GALNT17: variants seen among roughly 807,000 people sequenced by gnomAD.
GALNT17 encodes UDP-GalNAc:polypeptide N-acetylgalactosaminyltransferase-like 3.
Under a neutral mutation model 63.7 loss-of-function variants are expected in GALNT17, and 29 were observed. That is an observed-to-expected ratio of 0.46 (90% confidence interval 0.34 to 0.62). The LOEUF (loss-of-function observed/expected upper bound fraction) is 0.62. Ranked by LOEUF, GALNT17 falls within the 20% of genes least tolerant of loss-of-function variation. GALNT17 has a pLI of 0.01. For synonymous variants in GALNT17, 305 were observed against 318.3 expected, an observed-to-expected ratio of 0.96 and a Z score of 0.45; for missense variants, 603 against 799.6, an observed-to-expected ratio of 0.75 and a Z score of 2.97.
intron 1 of GALNT17, among the ~76,000 whole-genome samples, chr7:71,327,824 A>C (rs10807731): frequency 0.64 from 97,124 of 151,978 alleles, 31,351 homozygotes; most frequent in African/African-American, 0.73. Context: ...ATAGCTGTAA[A>C]CCTAAGAGAG....
chr7:71,704,488 C>CT (rs34146294), intron 9 of GALNT17, among the ~76,000 whole-genome samples: 96,337 of 141,342 alleles, frequency 0.68, 33,343 homozygotes, highest in Non-Finnish European at 0.76. Flanking sequence ...TGCCAACTGC[C>CT]TTTTTTTTTT....
intron 1 of GALNT17, among the ~76,000 whole-genome samples, chr7:71,256,638 C>T (rs1790295436): frequency 6.6e-6 from 1 of 152,218 alleles, no homozygotes; most frequent in African/African-American, 2.4e-5. Context: ...CCACCTTGCG[C>T]ACGTGTTCTC....
chr7:71,328,790 A>C (rs148915273), intron 1 of GALNT17, among the ~76,000 whole-genome samples: 1 of 152,182 alleles, frequency 6.6e-6, no homozygotes, highest in East Asian at 1.9e-4. Context: ...GAGGCTGTTA[A>C]GTGAATGCCT....
intron 9 of GALNT17, among the ~76,000 whole-genome samples, chr7:71,702,673 G>A (rs1791668997): frequency 6.6e-6 from 1 of 152,134 alleles, no homozygotes; most frequent in Admixed American, 6.5e-5. Context: ...AAAAAGCTGA[G>A]GGAGGCAAGG....
intron 1 of GALNT17, among the ~76,000 whole-genome samples, chr7:71,255,059 A>G (rs1011492178): frequency 6.6e-6 from 1 of 152,214 alleles, no homozygotes; most frequent in Non-Finnish European, 1.5e-5. Flanking sequence ...TTCAAGTTAG[A>G]ACATTTCCCC....
At chr7:71,528,779 TA>T (rs751649253) in intron 5 of GALNT17, among the ~76,000 whole-genome samples, 5 of 152,000 alleles carry the variant, frequency 3.3e-5, no homozygotes, top group Admixed American at 2.0e-4. Context: ...ATGATTGAAA[TA>T]AAGTAAAAAC....
At chr7:71,181,269 G>A (rs4719085) in intron 1 of GALNT17, among the ~76,000 whole-genome samples, 25,569 of 141,502 alleles carry the variant, frequency 0.18, 4,555 homozygotes, top group African/African-American at 0.5. Flanking sequence ...AAAAAAAAAA[G>A]TAATGGCTTA....
intron 8 of GALNT17, among the ~76,000 whole-genome samples, chr7:71,676,127 G>C (rs1791146815): frequency 6.6e-6 from 1 of 152,130 alleles, no homozygotes; most frequent in African/African-American, 2.4e-5. Flanking sequence ...AGACCCTAGG[G>C]TGGTGGTGGG....
chr7:71,264,350 A>G (rs937318400), intron 1 of GALNT17, among the ~76,000 whole-genome samples: 1 of 152,096 alleles, frequency 6.6e-6, no homozygotes, highest in Non-Finnish European at 1.5e-5. Flanking sequence ...CTAGTCTTAT[A>G]TAGGCAGATA....
At chr7:71,521,519 T>C (rs12536242) in intron 5 of GALNT17, among the ~76,000 whole-genome samples, 22,520 of 152,208 alleles carry the variant, frequency 0.15, 2,216 homozygotes, top group East Asian at 0.4. Flanking sequence ...GCTTGGAGCC[T>C]CCTTGTGCTA....
At chr7:71,617,946 C>T (rs546687160) in intron 6 of GALNT17, among the ~76,000 whole-genome samples, 31 of 152,098 alleles carry the variant, frequency 2.0e-4, no homozygotes, top group South Asian at 4.2e-4. Flanking sequence ...TGCGCCCAGC[C>T]GATAGATCGT....
intron 6 of GALNT17, among the ~76,000 whole-genome samples, chr7:71,633,421 C>T (rs899143096): frequency 6.6e-6 from 1 of 152,174 alleles, no homozygotes; most frequent in Non-Finnish European, 1.5e-5. Flanking sequence ...GCCGGGATAG[C>T]TCTCCTGTCG....
intron 5 of GALNT17, among the ~76,000 whole-genome samples, chr7:71,455,854 G>A (rs1417145261): frequency 6.6e-6 from 1 of 152,224 alleles, no homozygotes; most frequent in Non-Finnish European, 1.5e-5. Flanking sequence ...TTTGGTCCCA[G>A]TACTTGTCAG....
Position 71,513,554 on chromosome 7 carries a change from T to A in GALNT17, c.963-57731T>A, listed in dbSNP as rs911374255. Among the ~76,000 whole-genome samples, 4 of 151,868 alleles carry A rather than the reference T, an allele frequency of 2.6e-5. No individual in the cohort carries two copies. In the East Asian group the frequency reaches 5.8e-4, roughly 22 times the overall value. On this transcript the variant is annotated intron_variant, in intron 5 of 10. Transcript: ENST00000333538. ...GCATGCTCCACCATGCCTGGCTAAG[T>A]TTTGTATTTTGAGTAGAGACAGAGT...
intron 3 of GALNT17, among the ~76,000 whole-genome samples, chr7:71,408,902 GTGTA>G (rs948416456): frequency 6.8e-6 from 1 of 146,908 alleles, no homozygotes; most frequent in African/African-American, 2.5e-5. Flanking sequence ...GTGTGTGTGT[GTGTA>G]TGTATGTATG....
intron 1 of GALNT17, among the ~76,000 whole-genome samples, chr7:71,285,929 G>A (rs1476637133): frequency 1.3e-5 from 2 of 152,078 alleles, no homozygotes; most frequent in Non-Finnish European, 2.9e-5. Context: ...TTCTAGTTCC[G>A]GGCAGCTCAG....
intron 5 of GALNT17, among the ~76,000 whole-genome samples, chr7:71,440,981 C>T (rs1206346738): frequency 1.3e-5 from 2 of 151,542 alleles, no homozygotes; most frequent in Admixed American, 6.6e-5. Context: ...ATGTCTTGTG[C>T]GTTGGAGAGA....
intron 1 of GALNT17, among the ~76,000 whole-genome samples, chr7:71,155,093 G>A (rs1203373562): frequency 2.0e-5 from 3 of 151,640 alleles, no homozygotes; most frequent in Non-Finnish European, 4.4e-5. Flanking sequence ...CTAAACCACC[G>A]AGCGTTGAGT....
intron 1 of GALNT17, among the ~76,000 whole-genome samples, chr7:71,239,395 C>T (rs1436770737): frequency 1.3e-5 from 2 of 152,102 alleles, no homozygotes; most frequent in African/African-American, 4.8e-5. Flanking sequence ...TCACTTGAGC[C>T]CAGGAATTCA....
Sources: gnomAD v4.1 joint callset for allele counts (sites outside exome capture counted in the v4.1 genomes callset) on GRCh38, gnomAD v4.1.1 for gene constraint, MANE v1.5 for transcripts, NCBI Gene and HGNC (gene_info 2026-07-23, HGNC 2026-07-21) for gene names.